NMD3: variants seen among roughly 807,000 people sequenced by gnomAD.
The protein encoded by NMD3 is 60S ribosomal export protein NMD3.
Under a neutral mutation model 73.1 loss-of-function variants are expected in NMD3, and 47 were observed. The ratio of observed to expected loss-of-function variants is 0.64; its 90% CI spans 0.51 to 0.82. NMD3 has a LOEUF of 0.82. Ranked by LOEUF, NMD3 falls within the 40% of genes least tolerant of loss-of-function variation. NMD3 has a pLI of 0.00. For missense variants in NMD3, 554 were observed against 612.5 expected (o/e 0.90, Z 1.01); for synonymous variants, 210 against 194.5 (o/e 1.08, Z -0.66).
Position 161,225,073 on chromosome 3 carries a change from C to T in NMD3, c.179+9C>T, listed in dbSNP as rs746866792. On this transcript the variant is annotated intron_variant, in intron 3 of 15. Transcript: ENST00000351193. ...TGCAAACAATGTCAAAGGTACAGTG[C>T]GGTACAATTTTGCTCTTTTTAAAGT... 6.9e-6 allele frequency: 11 copies of T among 1,605,728 alleles called. No homozygotes were observed. Among genetic ancestry groups the T allele is most frequent in the Middle Eastern group, 1.7e-4 (1 of 6,028 alleles).
At chr3:161,247,066 A>G (rs1427054602) in intron 12 of NMD3, among the ~76,000 whole-genome samples, 192 bp from the exon 13 acceptor site, 1 of 152,188 alleles carries the variant, frequency 6.6e-6, no homozygotes, top group Non-Finnish European at 1.5e-5. Flanking sequence ...ATTATAAGTG[A>G]AACTCAGAGT....
intron 4 of NMD3, among the ~76,000 whole-genome samples, chr3:161,229,351 A>G (rs1736449033): frequency 6.6e-6 from 1 of 152,196 alleles, no homozygotes; most frequent in South Asian, 2.1e-4. Flanking sequence ...TCAGCAATGG[A>G]GGTGGTAAGA....
intron 13 of NMD3, among the ~76,000 whole-genome samples, chr3:161,248,720 T>C (rs1737353417): frequency 6.6e-6 from 1 of 152,130 alleles, no homozygotes; most frequent in Non-Finnish European, 1.5e-5. Context: ...TCTAACATGA[T>C]GAGGTTAAGA....
chr3:161,222,906 C>G (rs1321767703), intron 2 of NMD3: 6 of 152,262 alleles, frequency 3.9e-5, no homozygotes, highest in African/African-American at 1.4e-4. Flanking sequence ...CTTTACTCTT[C>G]CCTTGTCCAT....
At chr3:161,233,329 T>C in intron 4 of NMD3, 70 bp from the exon 5 acceptor site, 1 of 1,018,520 alleles carries the variant, frequency 9.8e-7, no homozygotes, top group Non-Finnish European at 1.5e-6. Flanking sequence ...TTATTGATGA[T>C]TTGTTCTTTC....
chr3:161,235,858 TC>T (rs1736735907), intron 7 of NMD3, among the ~76,000 whole-genome samples: 2 of 152,144 alleles, frequency 1.3e-5, no homozygotes, highest in African/African-American at 4.8e-5. Context: ...TGTAGTTATG[TC>T]CTCTCTATTG....
At chr3:161,229,303 T>C (rs1736446394) in intron 4 of NMD3, among the ~76,000 whole-genome samples, 1 of 152,158 alleles carries the variant, frequency 6.6e-6, no homozygotes, top group South Asian at 2.1e-4. Context: ...GGTAAAGGTG[T>C]TTAAGTTTTT....
At chr3:161,236,322 A>T (rs977244494) in intron 7 of NMD3, among the ~76,000 whole-genome samples, 2 of 152,026 alleles carry the variant, frequency 1.3e-5, no homozygotes, top group African/African-American at 4.8e-5. Context: ...TGCCGCCAAT[A>T]TTTCTCTGTA....
At chr3:161,223,672 G>A (rs145497503) in intron 2 of NMD3, among the ~76,000 whole-genome samples, 198 of 152,290 alleles carry the variant, frequency 1.3e-3, no homozygotes, top group African/African-American at 4.5e-3. Flanking sequence ...CTAAGCTATG[G>A]TCCTCTGTAT....
chr3:161,244,205 C>T (rs1737103002), intron 11 of NMD3, among the ~76,000 whole-genome samples: 1 of 152,200 alleles, frequency 6.6e-6, no homozygotes, highest in Admixed American at 6.5e-5. Context: ...TCATAGCTCA[C>T]TGCAGCCTCA....
Position 161,233,404 on chromosome 3 carries a change from G to A in NMD3, c.282G>A (p.Arg94=), listed in dbSNP as rs1736617124. 6.2e-7 allele frequency: 1 copy of A among 1,608,998 alleles called. No homozygotes were observed. Among genetic ancestry groups the A allele is most frequent in the Non-Finnish European group, 8.5e-7 (1 of 1,176,946 alleles). The stretch of plus-strand genomic sequence containing the variant: ...TTGTTTGTGTTTTATTGAAGGTACG[G>A]CTTGTAGATGCAGGCTTTGTTTGGA... ...KKIKAPLSKV[R]LVDAGFVWTE... is the part of the protein sequence containing the mutation. Residue 94 remains arginine, a synonymous_variant, in exon 5 of 16, where the codon CGG becomes CGA. Transcript: ENST00000351193.
At chr3:161,224,712 C>G (rs1382542329) in intron 2 of NMD3, among the ~76,000 whole-genome samples, 2 of 151,914 alleles carry the variant, frequency 1.3e-5, no homozygotes, top group African/African-American at 4.8e-5. Flanking sequence ...GTCTTGAACT[C>G]CTTATCTCAG....
At position 161,221,920 on chromosome 3, in the gene NMD3, G is replaced by C; in HGVS notation, c.-20-74G>C. On this transcript the variant is annotated intron_variant, in intron 1 of 15. Transcript: ENST00000351193. ...GAGAGACTGGAGGAAGACGTAAAAA[G>C]AGGAGACTAGGTAAAGTGATTTAAA... 9.9e-6 allele frequency: 9 copies of C among 913,176 alleles called. No individual in the cohort carries two copies. The South Asian group carries it at 1.3e-4, about 13-fold the overall frequency. The allele number at this position is 913,176 out of a possible 1,614,324, so 56.6% of individuals were successfully genotyped here.
intron 7 of NMD3, among the ~76,000 whole-genome samples, chr3:161,236,712 T>C (rs1195833127): frequency 6.6e-6 from 1 of 151,980 alleles, no homozygotes; most frequent in African/African-American, 2.4e-5. Flanking sequence ...CTTATATATT[T>C]AGGTCTAACT....
chr3:161,228,247 A>C (rs1051418331), intron 4 of NMD3, among the ~76,000 whole-genome samples: 4 of 152,144 alleles, frequency 2.6e-5, no homozygotes, highest in African/African-American at 9.7e-5. Context: ...ATTTCATGTA[A>C]TAGTTCTTTG....
intron 1 of NMD3, 153 bp from the exon 2 acceptor site, chr3:161,221,841 T>A: frequency 1.9e-6 from 1 of 516,578 alleles, no homozygotes; most frequent in Non-Finnish European, 3.4e-6. Flanking sequence ...CCAGTGGAGT[T>A]GGGTTTCCTT....
chr3:161,244,359 G>A (rs1737108583), intron 11 of NMD3, among the ~76,000 whole-genome samples: 1 of 152,166 alleles, frequency 6.6e-6, no homozygotes, highest in Admixed American at 6.5e-5. Flanking sequence ...GAACTCCTGA[G>A]CTCAAGCAAT....
rs1737404609 is a variant in NMD3, at chr3:161,249,725, G to A, written c.1310+165G>A. On this transcript the variant is annotated intron_variant, in intron 14 of 15. Coordinates refer to ENST00000351193, the MANE Select transcript of NMD3 (RefSeq NM_015938.5). The stretch of plus-strand genomic sequence containing the variant: ...TGGAATCAGTATAAGATGATGTAAA[G>A]ACATTTAACACAGATTTAGTAATTA... 4.7e-6 allele frequency: 3 copies of A among 641,562 alleles called. No homozygotes were observed. In the South Asian group the frequency reaches 5.3e-5, roughly 11 times the overall value. 39.7% of individuals were successfully genotyped at this position (641,562 alleles called of 1,614,324 possible). A position where few individuals can be genotyped will look rare whatever the true frequency, so the allele number is the denominator to read the frequency against.
At chr3:161,229,775 G>A (rs2108079447) in intron 4 of NMD3, among the ~76,000 whole-genome samples, 1 of 152,266 alleles carries the variant, frequency 6.6e-6, no homozygotes, top group South Asian at 2.1e-4. Context: ...AAAGGAGACT[G>A]AAAGGAGCTG....
Sources: allele counts gnomAD v4.1 joint callset (sites outside exome capture counted in the v4.1 genomes callset), GRCh38; gene constraint gnomAD v4.1.1; transcripts MANE v1.5; gene names NCBI Gene and HGNC (gene_info 2026-07-23, HGNC 2026-07-21).